TLN2: variants seen among roughly 807,000 people sequenced by gnomAD.
The protein encoded by TLN2 is talin 2, also known as talin-2.
TLN2 carries 118 observed loss-of-function variants against 294.7 expected under a neutral mutation model. That is an observed-to-expected ratio of 0.40 (90% CI 0.34 to 0.47). TLN2 has a LOEUF of 0.47. TLN2 is among the 20% of genes least tolerant of loss of function. The probability of loss-of-function intolerance (pLI) is 0.84; values close to 1 mark genes in which losing one functional copy is unlikely to be tolerated. For missense variants in TLN2, 3,083 were observed against 3,282.2 expected, an observed-to-expected ratio of 0.94 and a Z score of 1.48; for synonymous variants, 1,431 against 1,304.5, an observed-to-expected ratio of 1.10 and a Z score of -2.09.
At chr15:62,453,512 G>A (rs766933664) in intron 1 of TLN2, 3 of 152,214 alleles carry the variant, frequency 2.0e-5, no homozygotes, top group Non-Finnish European at 4.4e-5. Flanking sequence ...CCCAGATCCA[G>A]CTGCTTATCT....
At chr15:62,724,881 G>T in intron 26 of TLN2, 95 bp from the exon 27 acceptor site, 1 of 1,428,100 alleles carries the variant, frequency 7.0e-7, no homozygotes. Context: ...GAGAATCACT[G>T]GGTATATCCA....
At chr15:62,451,260 C>T (rs2036128845) in intron 1 of TLN2, among the ~76,000 whole-genome samples, 1 of 152,148 alleles carries the variant, frequency 6.6e-6, no homozygotes, top group African/African-American at 2.4e-5. Context: ...GCAGACTGCC[C>T]CATGTGTCTA....
At chr15:62,391,355 A>G (rs920492334) in intron 1 of TLN2, among the ~76,000 whole-genome samples, 3 of 152,226 alleles carry the variant, frequency 2.0e-5, no homozygotes, top group African/African-American at 7.2e-5. Flanking sequence ...TGCCGGGCCG[A>G]GAGCGGGGCC....
At chr15:62,605,465 C>G (rs72755812) in intron 2 of TLN2, among the ~76,000 whole-genome samples, 3 of 152,150 alleles carry the variant, frequency 2.0e-5, no homozygotes, top group Non-Finnish European at 4.4e-5. Flanking sequence ...CATGGGCAAG[C>G]GAATCAGGAA....
intron 26 of TLN2, among the ~76,000 whole-genome samples, chr15:62,722,807 A>G (rs2060224995): frequency 6.6e-6 from 1 of 152,228 alleles, no homozygotes; most frequent in African/African-American, 2.4e-5. Flanking sequence ...AATGGTAGTC[A>G]TCAGTGTCTC....
intron 16 of TLN2, among the ~76,000 whole-genome samples, chr15:62,699,232 T>C (rs745775411): frequency 7.9e-5 from 12 of 152,160 alleles, no homozygotes; most frequent in African/African-American, 2.7e-4. Context: ...TAATCACCTG[T>C]AGAGTTCTTA....
chr15:62,716,351 G>T lies in TLN2; in HGVS notation c.2655G>T (p.Glu885Asp), dbSNP rs779232353. The change falls in exon 23 of 59, where the codon GAG becomes GAT. Residue 885 changes from glutamate (E) to aspartate (D), a missense_variant. Transcript: ENST00000636159. ...EAAKGAAANPENEDQQQRLRE... is the reference protein window; with the variant it reads ...EAAKGAAANPDNEDQQQRLRE... ...TGCAGGGGGCTGCAGCCAACCCAGA[G>T]AATGAGGACCAGCAGCAAAGGCTGA... 5 of 1,608,170 alleles carry T rather than the reference G, an allele frequency of 3.1e-6. No homozygotes were observed. The highest frequency in any genetic ancestry group is 4.2e-6 in the Non-Finnish European group (5 of 1,177,694).
At chr15:62,654,297 C>G (rs1374610204) in intron 7 of TLN2, among the ~76,000 whole-genome samples, 1 of 152,054 alleles carries the variant, frequency 6.6e-6, no homozygotes, top group Non-Finnish European at 1.5e-5. Context: ...GATCTGGAGG[C>G]TTGAATAGAT....
chr15:62,509,150 A>T (rs946077907), intron 1 of TLN2, among the ~76,000 whole-genome samples: 2 of 152,192 alleles, frequency 1.3e-5, no homozygotes, highest in African/African-American at 4.8e-5. Flanking sequence ...GATCTTAACC[A>T]TTACCCTATG....
At chr15:62,460,764 C>A (rs1330899533) in intron 1 of TLN2, among the ~76,000 whole-genome samples, 4 of 152,150 alleles carry the variant, frequency 2.6e-5, no homozygotes, top group Admixed American at 6.5e-5. Flanking sequence ...GAGAAATGAA[C>A]ACAAATCATA....
Position 62,657,917 on chromosome 15 carries a change from C to A in TLN2, c.788+19C>A, listed in dbSNP as rs778002483. 11 of 1,604,536 alleles carry A rather than the reference C, an allele frequency of 6.9e-6. No individual in the cohort carries two copies. The East Asian group carries it at 2.2e-4, about 33-fold the overall frequency. ...TTTTAGAGTAAATGACATTTTGTTT[C>A]TCTTTTTTCTCTTTTCTCCTGTCTT... On this transcript the variant is annotated intron_variant, in intron 9 of 58. Transcript: ENST00000636159.
intron 9 of TLN2, among the ~76,000 whole-genome samples, chr15:62,667,110 C>T (rs201488980): frequency 1.1e-4 from 16 of 152,250 alleles, no homozygotes; most frequent in African/African-American, 2.9e-4. Flanking sequence ...GGACTACAGG[C>T]GCCCACCACC....
chr15:62,459,107 T>G (rs1375707472), intron 1 of TLN2, among the ~76,000 whole-genome samples: 1 of 152,000 alleles, frequency 6.6e-6, no homozygotes, highest in Non-Finnish European at 1.5e-5. Flanking sequence ...TTCAAGTTAT[T>G]CTCCTGCCTC....
chr15:62,591,864 A>AG (rs1341131591), intron 2 of TLN2, among the ~76,000 whole-genome samples: 1 of 152,182 alleles, frequency 6.6e-6, no homozygotes. Flanking sequence ...TCCTGACCAG[A>AG]GGACCGTCTG....
intron 43 of TLN2, among the ~76,000 whole-genome samples, chr15:62,778,671 CAG>C (rs1250119696): frequency 6.6e-6 from 1 of 152,192 alleles, no homozygotes; most frequent in Admixed American, 6.5e-5. Context: ...CTGTCTCAGC[CAG>C]AGACACATTT....
chr15:62,720,836 T>A (rs2060101114), intron 25 of TLN2, among the ~76,000 whole-genome samples: 1 of 152,206 alleles, frequency 6.6e-6, no homozygotes, highest in South Asian at 2.1e-4. Context: ...TTTTAATTTT[T>A]TGCCATCATG....
intron 32 of TLN2, among the ~76,000 whole-genome samples, chr15:62,743,542 C>T (rs1341819778): frequency 6.6e-6 from 1 of 152,102 alleles, no homozygotes; most frequent in Non-Finnish European, 1.5e-5. Flanking sequence ...TATTTAGTGC[C>T]TGGTTTGTTC....
At chr15:62,584,626 G>T (rs898214499) in intron 1 of TLN2, among the ~76,000 whole-genome samples, 1 of 152,176 alleles carries the variant, frequency 6.6e-6, no homozygotes, top group Non-Finnish European at 1.5e-5. Flanking sequence ...AGCAGAGCTG[G>T]ACTCTAATCA....
At chr15:62,459,225 C>A (rs988288981) in intron 1 of TLN2, among the ~76,000 whole-genome samples, 1 of 151,284 alleles carries the variant, frequency 6.6e-6, no homozygotes, top group African/African-American at 2.4e-5. Context: ...TGGTCTCGAT[C>A]TCTTGACCTC....
Sources: allele counts gnomAD v4.1 joint callset (sites outside exome capture counted in the v4.1 genomes callset), GRCh38; gene constraint gnomAD v4.1.1; transcripts MANE v1.5; gene names NCBI Gene and HGNC (gene_info 2026-07-23, HGNC 2026-07-21).